Variants in SEMA3A observed in about 807,000 individuals in gnomAD.
SEMA3A encodes semaphorin 3A.
Under a neutral mutation model 97.9 loss-of-function variants are expected in SEMA3A, and 29 were observed. The ratio of observed to expected loss-of-function variants is 0.30; its 90% confidence interval spans 0.22 to 0.40. The LOEUF (loss-of-function observed/expected upper bound fraction) is 0.40, where lower values mean the gene tolerates loss of function less well. Among genes scored for constraint, SEMA3A ranks in the 10% least tolerant of loss-of-function variants. The pLI, the probability that SEMA3A is intolerant of heterozygous loss-of-function variation, is 1.00. For missense variants in SEMA3A, 763 were observed against 951.3 expected, an observed-to-expected ratio of 0.80 and a Z score of 2.60; for synonymous variants, 321 against 323.7, an observed-to-expected ratio of 0.99 and a Z score of 0.09.
At chr7:84,391,444 C>T (rs1803573502) in intron 1 of SEMA3A, among the ~76,000 whole-genome samples, 1 of 151,950 alleles carries the variant, frequency 6.6e-6, no homozygotes, top group South Asian at 2.1e-4. Flanking sequence ...AGTCTCTTCC[C>T]CAGTAACCAG....
At chr7:84,474,121 C>G (rs1167574162) in intron 1 of SEMA3A, among the ~76,000 whole-genome samples, 1 of 152,144 alleles carries the variant, frequency 6.6e-6, no homozygotes, top group Non-Finnish European at 1.5e-5. Flanking sequence ...TCTGTTTTAT[C>G]TGACTATAAC....
intron 1 of SEMA3A, among the ~76,000 whole-genome samples, chr7:84,159,515 A>T (rs1245753673): frequency 1.3e-5 from 2 of 152,184 alleles, no homozygotes; most frequent in Non-Finnish European, 2.9e-5. Flanking sequence ...AACAAGTTAG[A>T]TGCAAAACTC....
intron 4 of SEMA3A, among the ~76,000 whole-genome samples, chr7:84,083,328 T>C (rs112272193): frequency 3.3e-4 from 50 of 152,094 alleles, no homozygotes; most frequent in Middle Eastern, 3.4e-3. Context: ...GGATACATAA[T>C]AGTTGTACAC....
chr7:84,252,334 A>G (rs936783938), intron 3 of SEMA3A, among the ~76,000 whole-genome samples: 2 of 152,224 alleles, frequency 1.3e-5, no homozygotes, highest in Admixed American at 1.3e-4. Flanking sequence ...GAAAGAAGAA[A>G]GATGAGAAAA....
chr7:84,217,760 C>A (rs544296953), intron 3 of SEMA3A, among the ~76,000 whole-genome samples: 2 of 138,334 alleles, frequency 1.4e-5, no homozygotes, highest in Non-Finnish European at 3.3e-5. Context: ...GACTCTGTCT[C>A]TTCAAAAAAA....
Position 84,099,172 on chromosome 7 carries a change from G to A in SEMA3A, c.453+11298C>T, listed in dbSNP as rs1272834724. On this transcript the variant is annotated intron_variant, in intron 4 of 16. Coordinates refer to ENST00000265362, the MANE Select transcript of SEMA3A (RefSeq NM_006080.3). ...TGCAAGCTCCGCCTCCCGGGTTCACGCCATTCTCCTGCCTCAGCCTCCCGA... is the reference window on the plus strand; with the variant it reads ...TGCAAGCTCCGCCTCCCGGGTTCACACCATTCTCCTGCCTCAGCCTCCCGA... 2.9e-5 allele frequency among the ~76,000 whole-genome samples: 2 copies of A among 70,008 alleles called. 1 individual carries two copies. Among genetic ancestry groups the A allele is most frequent in the Non-Finnish European group, 7.8e-5 (2 of 25,506 alleles). 45.9% of individuals were successfully genotyped at this position (70,008 alleles called of 152,430 possible).
chr7:84,487,294 C>T (rs1806600224), intron 1 of SEMA3A, among the ~76,000 whole-genome samples: 1 of 152,016 alleles, frequency 6.6e-6, no homozygotes, highest in Non-Finnish European at 1.5e-5. Context: ...AAAGGGAAGA[C>T]TGTGAGTTGG....
chr7:84,226,450 T>C (rs1272361520), intron 3 of SEMA3A, among the ~76,000 whole-genome samples: 2 of 152,104 alleles, frequency 1.3e-5, no homozygotes, highest in Non-Finnish European at 2.9e-5. Context: ...TACAATAAAA[T>C]TATAAGGCAT....
chr7:84,241,687 C>T (rs1317416525), intron 3 of SEMA3A, among the ~76,000 whole-genome samples: 2 of 152,160 alleles, frequency 1.3e-5, no homozygotes, highest in Non-Finnish European at 2.9e-5. Context: ...GTATTTTAGT[C>T]ATGAAGTCTT....
At chr7:84,374,683 G>A (rs571899713) in intron 1 of SEMA3A, among the ~76,000 whole-genome samples, 1 of 152,324 alleles carries the variant, frequency 6.6e-6, no homozygotes, top group African/African-American at 2.4e-5. Flanking sequence ...ATTCTTTTAA[G>A]AGAGAAGAGT....
chr7:84,212,510 T>C (rs565981812), intron 3 of SEMA3A, among the ~76,000 whole-genome samples: 1 of 150,504 alleles, frequency 6.6e-6, no homozygotes, highest in Admixed American at 6.6e-5. Context: ...CTATAACAAA[T>C]GATCTTATGA....
intron 1 of SEMA3A, among the ~76,000 whole-genome samples, chr7:84,450,489 T>C (rs1370060383): frequency 6.6e-6 from 1 of 152,208 alleles, no homozygotes; most frequent in African/African-American, 2.4e-5. Flanking sequence ...AATGCAGAGC[T>C]TAGTGCTTTG....
intron 1 of SEMA3A, among the ~76,000 whole-genome samples, chr7:84,166,115 G>T (rs1797197555): frequency 6.6e-6 from 1 of 151,762 alleles, no homozygotes; most frequent in South Asian, 2.1e-4. Context: ...TCTTGAAAAA[G>T]TAAAATAAAT....
chr7:84,167,976 G>A (rs1474391969), intron 1 of SEMA3A, among the ~76,000 whole-genome samples: 2 of 152,108 alleles, frequency 1.3e-5, no homozygotes, highest in African/African-American at 4.8e-5. Flanking sequence ...AGAAATTACT[G>A]TTTAGAGTTC....
In SEMA3A at chr7:84,208,355, G is replaced by A. The variant is rs1321946673; in HGVS notation, c.-82-13687C>T. Among the ~76,000 whole-genome samples, 3 of 151,862 alleles carry A rather than the reference G, an allele frequency of 2.0e-5. No individual in the cohort carries two copies. The East Asian group carries it at 5.8e-4, about 30-fold the overall frequency. On this transcript the variant is annotated intron_variant, in intron 3 of 3. Coordinates refer to the SEMA3A transcript ENST00000424555. ...TAATCCCAGCTACTGGGGAGGCTGA[G>A]GCAGGAGAATGGCGTGAACCCGGGA... is the stretch of plus-strand genomic sequence containing the variant.
At chr7:84,324,579 T>C (rs1377518062) in intron 2 of SEMA3A, among the ~76,000 whole-genome samples, 4 of 152,168 alleles carry the variant, frequency 2.6e-5, no homozygotes, top group Admixed American at 6.6e-5. Context: ...TATATATACA[T>C]TGGCAATCAT....
intron 3 of SEMA3A, among the ~76,000 whole-genome samples, chr7:84,228,230 C>T (rs533366365): frequency 6.6e-6 from 1 of 151,972 alleles, no homozygotes; most frequent in Admixed American, 6.6e-5. Context: ...GTAAAGGAAA[C>T]ATTTCACTAA....
intron 1 of SEMA3A, among the ~76,000 whole-genome samples, chr7:84,440,531 C>A (rs1584326894): frequency 6.6e-6 from 1 of 152,132 alleles, no homozygotes; most frequent in African/African-American, 2.4e-5. Flanking sequence ...AATCCTCCGC[C>A]TTTCTTTTTT....
chr7:84,258,356 T>A (rs1485900428), intron 3 of SEMA3A, among the ~76,000 whole-genome samples: 2 of 152,200 alleles, frequency 1.3e-5, no homozygotes, highest in Non-Finnish European at 2.9e-5. Flanking sequence ...GATGGATGTT[T>A]AGTATTGTAA....
Sources: allele counts gnomAD v4.1 joint callset (sites outside exome capture counted in the v4.1 genomes callset), GRCh38; gene constraint gnomAD v4.1.1; transcripts MANE v1.5; gene names NCBI Gene and HGNC (gene_info 2026-07-23, HGNC 2026-07-21).